The following USP34 variants were observed in gnomAD, a reference collection of about 807,000 sequenced individuals.
USP34 encodes the protein ubiquitin specific peptidase 34.
Under a neutral mutation model 460.3 loss-of-function variants are expected in USP34, and 70 were observed. That is an observed-to-expected ratio of 0.15 (90% CI 0.13 to 0.19). USP34 has a LOEUF of 0.19. Among genes scored for constraint, USP34 ranks in the 10% least tolerant of loss-of-function variants. The probability of loss-of-function intolerance (pLI) is 1.00; values close to 1 mark genes in which losing one functional copy is unlikely to be tolerated. For synonymous variants in USP34, 1,647 were observed against 1,405.3 expected (o/e 1.17, Z -3.85); for missense variants, 3,985 against 4,236.2 (o/e 0.94, Z 1.65).
chr2:61,248,961 T>C (rs537115730), intron 48 of USP34, among the ~76,000 whole-genome samples: 14 of 152,328 alleles, frequency 9.2e-5, no homozygotes, highest in Middle Eastern at 3.4e-3. Flanking sequence ...CAAGTATTAA[T>C]AAAATACAAC....
At chr2:61,352,648 G>GA (rs982648758) in intron 10 of USP34, among the ~76,000 whole-genome samples, 12 of 133,362 alleles carry the variant, frequency 9.0e-5, no homozygotes, top group South Asian at 2.4e-4. Context: ...AGACCCTTGA[G>GA]AAAAAAAATC....
At chr2:61,398,001 A>G (rs1693589314) in intron 3 of USP34, among the ~76,000 whole-genome samples, 1 of 151,776 alleles carries the variant, frequency 6.6e-6, no homozygotes, top group African/African-American at 2.4e-5. Flanking sequence ...CGCTTGGGGG[A>G]GGGGGGTTGC....
At chr2:61,397,822 C>G (rs1693582619) in intron 3 of USP34, among the ~76,000 whole-genome samples, 1 of 151,966 alleles carries the variant, frequency 6.6e-6, no homozygotes, top group Non-Finnish European at 1.5e-5. Context: ...CTGCCTGAAC[C>G]CAGGAGACGG....
chr2:61,264,917 T>A (rs1689002180), intron 43 of USP34, among the ~76,000 whole-genome samples: 1 of 151,974 alleles, frequency 6.6e-6, no homozygotes, highest in South Asian at 2.1e-4. Context: ...AACTAGAAAG[T>A]GAATAAAAAT....
chr2:61,280,360 AT>A lies in USP34; in HGVS notation c.5152-13del. 7.5e-7 allele frequency: 1 copy of A among 1,340,826 alleles called. No homozygotes were observed. Among genetic ancestry groups the A allele is most frequent in the South Asian group, 1.6e-5 (1 of 60,666 alleles). 83.1% of individuals were successfully genotyped at this position (1,340,826 alleles called of 1,614,324 possible). A position where few individuals can be genotyped will look rare whatever the true frequency, so the allele number is the denominator to read the frequency against. On this transcript the variant is annotated splice_polypyrimidine_tract_variant and intron_variant, in intron 38 of 79. Coordinates refer to ENST00000398571, the MANE Select transcript of USP34 (RefSeq NM_014709.4). ...TCATAATCATCTATCTATTAAAAAAATTTTATACTTTGTGAAAACATTTTAA... is the reference window on the plus strand; with the variant it reads ...TCATAATCATCTATCTATTAAAAAAATTTATACTTTGTGAAAACATTTTAA...
At chr2:61,435,050 T>C (rs371103851) in intron 1 of USP34, among the ~76,000 whole-genome samples, 3 of 151,990 alleles carry the variant, frequency 2.0e-5, no homozygotes, top group South Asian at 4.1e-4. Context: ...ACACCTATAA[T>C]CTCAGCACTT....
intron 1 of USP34, among the ~76,000 whole-genome samples, chr2:61,447,059 A>T (rs2104046994): frequency 6.6e-6 from 1 of 152,160 alleles, no homozygotes; most frequent in African/African-American, 2.4e-5. Context: ...GTTCAAGACC[A>T]GCGTAGCTAA....
At chr2:61,200,136 T>C (rs2103760064) in intron 75 of USP34, 1 of 152,516 alleles carries the variant, frequency 6.6e-6, no homozygotes, top group South Asian at 2.1e-4. Context: ...ACTGCAGCTT[T>C]GACTTCCTGG....
At position 61,283,481 on chromosome 2, in the gene USP34, A is replaced by T. The variant is rs1416664250; in HGVS notation, c.4833-32T>A. ...AGTAAAAACACCACCACCACCAATT[A>T]AATTCAGCAATGAATTAAAAATAAT... On this transcript the variant is annotated intron_variant, in intron 35 of 79. Coordinates refer to ENST00000398571, the MANE Select transcript of USP34 (RefSeq NM_014709.4). 2.5e-6 allele frequency: 4 copies of T among 1,585,910 alleles called. No homozygotes were observed. The Admixed American group carries it at 5.6e-5, about 22-fold the overall frequency.
chr2:61,447,821 T>C (rs961840951), intron 1 of USP34, among the ~76,000 whole-genome samples: 76 of 152,266 alleles, frequency 5.0e-4, no homozygotes, highest in African/African-American at 1.8e-3. Flanking sequence ...GATCAAGCCA[T>C]TCTCCTGCCT....
At chr2:61,278,009 C>G in intron 41 of USP34, 156 bp downstream of exon 41, 4 of 982,128 alleles carry the variant, frequency 4.1e-6, no homozygotes, top group Non-Finnish European at 5.7e-6. Context: ...TCCCCAGCCA[C>G]ATGGAACTCT....
At chr2:61,232,695 A>G (rs1260753142) in intron 57 of USP34, among the ~76,000 whole-genome samples, 163 bp from the exon 58 acceptor site, 1 of 152,174 alleles carries the variant, frequency 6.6e-6, no homozygotes, top group Non-Finnish European at 1.5e-5. Flanking sequence ...TAAAATCATA[A>G]TAAGGGTTAC....
At chr2:61,289,670 AAGAC>A (rs1323301771) in intron 33 of USP34, among the ~76,000 whole-genome samples, 8 of 152,162 alleles carry the variant, frequency 5.3e-5, no homozygotes, top group Non-Finnish European at 1.2e-4. Context: ...AACCGAAAGA[AAGAC>A]AGCAAGATAA....
chr2:61,232,768 T>A (rs942723434), intron 57 of USP34, among the ~76,000 whole-genome samples: 1 of 151,888 alleles, frequency 6.6e-6, no homozygotes, highest in African/African-American at 2.4e-5. Flanking sequence ...TGACAATCTG[T>A]GGTCCTTTAT....
At chr2:61,385,793 A>G (rs1355505183) in intron 5 of USP34, among the ~76,000 whole-genome samples, 2 of 151,802 alleles carry the variant, frequency 1.3e-5, no homozygotes, top group Non-Finnish European at 2.9e-5. Flanking sequence ...CAGGAGTTCA[A>G]GACCAGCTTG....
intron 10 of USP34, 116 bp from the exon 11 acceptor site, chr2:61,350,809 T>C (rs1165021060): frequency 1.9e-6 from 2 of 1,066,218 alleles, no homozygotes; most frequent in Non-Finnish European, 2.6e-6. Flanking sequence ...TATTTTTTAA[T>C]ATGACGGTAA....
chr2:61,265,797 T>A, intron 42 of USP34, 187 bp downstream of exon 42: 1 of 691,820 alleles, frequency 1.4e-6, no homozygotes, highest in Non-Finnish European at 2.1e-6. Flanking sequence ...AAAGCCGAAG[T>A]ATTTAAAATG....
chr2:61,242,534 A>T (rs1173009906), intron 51 of USP34, among the ~76,000 whole-genome samples: 1 of 151,806 alleles, frequency 6.6e-6, no homozygotes, highest in Non-Finnish European at 1.5e-5. Flanking sequence ...ACCATGAAGC[A>T]ATAAGAAGCA....
chr2:61,452,876 C>G (rs1367380289), intron 1 of USP34, among the ~76,000 whole-genome samples: 1 of 136,684 alleles, frequency 7.3e-6, no homozygotes, highest in Non-Finnish European at 1.5e-5. Context: ...AGAGACAGAC[C>G]AAGACACTAT....
Sources: allele counts gnomAD v4.1 joint callset (sites outside exome capture counted in the v4.1 genomes callset), GRCh38; gene constraint gnomAD v4.1.1; transcripts MANE v1.5; gene names NCBI Gene and HGNC (gene_info 2026-07-23, HGNC 2026-07-21).